The following ZNF609 variants were observed in gnomAD, a reference collection of about 807,000 sequenced individuals.
ZNF609 encodes the protein zinc finger protein 609.
Under a neutral mutation model 109.5 loss-of-function variants are expected in ZNF609, and 11 were observed. The observed-to-expected ratio is 0.10, with a 90% CI of 0.06 to 0.17. The LOEUF is 0.17. Among genes scored for constraint, ZNF609 ranks in the 10% least tolerant of loss-of-function variants. The pLI is 1.00. For synonymous variants in ZNF609, 646 were observed against 662.0 expected, an observed-to-expected ratio of 0.98 and a Z score of 0.37; for missense variants, 1,559 against 1,772.4, an observed-to-expected ratio of 0.88 and a Z score of 2.16.
intron 2 of ZNF609, among the ~76,000 whole-genome samples, chr15:64,617,625 GA>G (rs1238846818): frequency 6.8e-6 from 1 of 147,294 alleles, no homozygotes; most frequent in Non-Finnish European, 1.5e-5. Context: ...ACTAAAAATA[GA>G]AAAATTAGCC....
chr15:64,483,103 T>C (rs1018852505), intron 1 of ZNF609, among the ~76,000 whole-genome samples: 3 of 152,106 alleles, frequency 2.0e-5, no homozygotes, highest in African/African-American at 7.2e-5. Flanking sequence ...TTCTTTTTTT[T>C]TTTCCCCCTG....
chr15:64,568,117 G>A (rs1286125886), intron 2 of ZNF609, among the ~76,000 whole-genome samples: 1 of 152,102 alleles, frequency 6.6e-6, no homozygotes, highest in Admixed American at 6.6e-5. Context: ...TTGCTGAACA[G>A]TTTGGAGGTT....
At chr15:64,661,462 T>C (rs1302639409) in intron 3 of ZNF609, among the ~76,000 whole-genome samples, 1 of 152,234 alleles carries the variant, frequency 6.6e-6, no homozygotes, top group Admixed American at 6.5e-5. Flanking sequence ...ATCTGTACTT[T>C]ACCCTGGTTA....
intron 2 of ZNF609, among the ~76,000 whole-genome samples, chr15:64,573,914 G>A (rs930271167): frequency 7.2e-5 from 11 of 152,126 alleles, no homozygotes. Context: ...AGGTCCTTGT[G>A]ATTGAGTGGT....
In ZNF609 at chr15:64,500,015, A is replaced by G; in HGVS notation, c.596A>G (p.Asp199Gly). 5 of 1,614,118 alleles carry G rather than the reference A, an allele frequency of 3.1e-6. No individual in the cohort carries two copies. The highest frequency in any genetic ancestry group is 2.2e-5 in the East Asian group (1 of 44,878). ...TTGGGAGGACGGGGTGGTCAGTATG[A>G]TGGAAGTGCAGGGGTGGATACAGGA... ...VPLGGRGGQY[D>G]GSAGVDTGAV... The change falls in exon 2 of 10, where the codon GAT becomes GGT. Residue 199 changes from aspartate to glycine, a missense_variant. Around this residue, in one of 4 missense-constraint regions of ZNF609, gnomAD observed 291 missense variants for 317.8 expected, o/e 0.92. Transcript: ENST00000326648.
At chr15:64,645,008 T>TCTTTCTTTCTTTCTTCCTTCCTTC (rs1311156425) in intron 3 of ZNF609, among the ~76,000 whole-genome samples, 2 of 140,152 alleles carry the variant, frequency 1.4e-5, no homozygotes, top group African/African-American at 5.7e-5. Flanking sequence ...TTTCTTTCTT[T>TCTTTCTTTCTTTCTTCCTTCCTTC]CTTCCTTCCT....
At position 64,674,495 on chromosome 15, in the gene ZNF609, C is replaced by G. The variant is rs759115243; in HGVS notation, c.1641C>G (p.Ser547Arg). 1.9e-6 allele frequency: 3 copies of G among 1,614,118 alleles called. No homozygotes were observed. Among genetic ancestry groups the G allele is most frequent in the Non-Finnish European group, 2.5e-6 (3 of 1,180,006 alleles). Residue 547 changes from serine to arginine, a missense_variant, in exon 5 of 10, where the codon AGC (serine) becomes AGG (arginine). Physicochemically the swap from Ser to Arg is moderately radical, Grantham distance 110. This residue lies in a region of ZNF609 where 1,204 missense variants were observed against 1,314.1 expected (regional missense o/e 0.92). Coordinates refer to ENST00000326648, the MANE Select transcript of ZNF609 (RefSeq NM_015042.2). ...EEPILHADLG[S>R]CNGASVSQKG... ...CTATTCTCCATGCAGATCTTGGGAGCTGCAACGGTGCATCTGTCTCACAAA... is the reference window on the plus strand; with the variant it reads ...CTATTCTCCATGCAGATCTTGGGAGGTGCAACGGTGCATCTGTCTCACAAA...
At chr15:64,623,140 G>GT in intron 3 of ZNF609, 88 bp downstream of exon 3, 1 of 1,339,746 alleles carries the variant, frequency 7.5e-7, no homozygotes. Flanking sequence ...ATATTACCAA[G>GT]TGGTTATTAG....
rs192839578 is a variant in ZNF609, at chr15:64,685,902, C to T, written c.*4216C>T. The T allele has an allele frequency of 1.0e-3, 159 of 152,296 alleles. 1 individual carries two copies. Among genetic ancestry groups the T allele is most frequent in the African/African-American group, 3.4e-3 (140 of 41,566 alleles). 9.4% of individuals were successfully genotyped at this position (152,296 alleles called of 1,614,324 possible). On this transcript the variant is annotated 3_prime_UTR_variant, in exon 10 of 10. Transcript: ENST00000326648. ...GGGTGGTATACTCTGAAACACAGCC[C>T]AACCAAACCATTGTTTGGCCGCTTT...
intron 1 of ZNF609, among the ~76,000 whole-genome samples, chr15:64,476,679 G>C (rs150251590): frequency 8.1e-4 from 124 of 152,294 alleles, no homozygotes; most frequent in African/African-American, 2.8e-3. Flanking sequence ...AAGTTAACTG[G>C]GGTGAAAATT....
At chr15:64,611,098 T>C (rs984031905) in intron 2 of ZNF609, among the ~76,000 whole-genome samples, 4 of 152,150 alleles carry the variant, frequency 2.6e-5, no homozygotes, top group Admixed American at 6.6e-5. Flanking sequence ...GAAATGCATA[T>C]GTGAAAGGAG....
chr15:64,592,732 C>T (rs1293273737), intron 2 of ZNF609, among the ~76,000 whole-genome samples: 1 of 143,030 alleles, frequency 7.0e-6, no homozygotes, highest in Non-Finnish European at 1.5e-5. Flanking sequence ...GACTGGCCAA[C>T]ATGATGAAAC....
chr15:64,553,916 A>G (rs2140395902), intron 2 of ZNF609, among the ~76,000 whole-genome samples: 1 of 152,286 alleles, frequency 6.6e-6, no homozygotes, highest in South Asian at 2.1e-4. Context: ...TTATTTTCAT[A>G]AAGTGATCTT....
chr15:64,677,253 G>A (rs1175053024), intron 5 of ZNF609, among the ~76,000 whole-genome samples: 2 of 151,700 alleles, frequency 1.3e-5, no homozygotes, highest in Admixed American at 1.3e-4. Context: ...TTGTAGAGAG[G>A]GGTCTCACTA....
In ZNF609 at chr15:64,555,004, G is replaced by T. The variant is rs1894553962; in HGVS notation, c.747+54838G>T. ...CCAGCTACTTGGGAGGCTGAGGCAGGAGAATCACTTGAACCTGGGAGGCGG... is the reference window on the plus strand; with the variant it reads ...CCAGCTACTTGGGAGGCTGAGGCAGTAGAATCACTTGAACCTGGGAGGCGG... On this transcript the variant is annotated intron_variant, in intron 2 of 9. Coordinates refer to ENST00000326648, the MANE Select transcript of ZNF609 (RefSeq NM_015042.2). Among the ~76,000 whole-genome samples, 6 of 151,742 alleles carry T rather than the reference G, an allele frequency of 4.0e-5. No homozygotes were observed. The Middle Eastern group carries it at 0.017, about 430-fold the overall frequency.
chr15:64,585,644 C>T (rs570461948), intron 2 of ZNF609, among the ~76,000 whole-genome samples: 15 of 152,202 alleles, frequency 9.9e-5, no homozygotes, highest in Middle Eastern at 3.4e-3. Flanking sequence ...GTGTAGCTAG[C>T]TAGTTGACAC....
intron 2 of ZNF609, among the ~76,000 whole-genome samples, chr15:64,526,029 A>G (rs1893963360): frequency 6.6e-6 from 1 of 150,972 alleles, no homozygotes; most frequent in African/African-American, 2.4e-5. Context: ...GCCTCGAGTG[A>G]TCTGCCTGCC....
intron 2 of ZNF609, among the ~76,000 whole-genome samples, chr15:64,542,688 C>G (rs1055874133): frequency 2.0e-5 from 3 of 152,198 alleles, no homozygotes; most frequent in African/African-American, 7.2e-5. Context: ...CTTAGACTCT[C>G]CTTTTCACTT....
intron 3 of ZNF609, among the ~76,000 whole-genome samples, chr15:64,642,052 T>A (rs575907413): frequency 6.6e-6 from 1 of 152,192 alleles, no homozygotes; most frequent in Non-Finnish European, 1.5e-5. Context: ...ATGTTGCTGT[T>A]AATCTGATTG....
Sources: allele counts gnomAD v4.1 joint callset (sites outside exome capture counted in the v4.1 genomes callset), GRCh38; gene constraint gnomAD v4.1.1; regional missense constraint gnomAD v4.1.1; transcripts MANE v1.5; gene names NCBI Gene and HGNC (gene_info 2026-07-23, HGNC 2026-07-21).